Variants in CAPSL observed in about 807,000 individuals in gnomAD.
The protein encoded by CAPSL is calcyphosin-like protein.
Under a neutral mutation model 21.3 loss-of-function variants are expected in CAPSL, and 17 were observed. The ratio of observed to expected loss-of-function variants is 0.80; its 90% confidence interval spans 0.55 to 1.20. The LOEUF is 1.20. CAPSL is among the 50% of genes most tolerant of loss of function. The pLI is 0.00. For synonymous variants in CAPSL, 102 were observed against 89.3 expected, an observed-to-expected ratio of 1.14 and a Z score of -0.80; for missense variants, 289 against 259.3, an observed-to-expected ratio of 1.11 and a Z score of -0.79.
chr5:35,914,975 A>G lies in CAPSL; in HGVS notation c.138-4432T>C, dbSNP rs541700589. 2.0e-5 allele frequency among the ~76,000 whole-genome samples: 3 copies of G among 152,340 alleles called. No homozygotes were observed. The South Asian group carries it at 6.2e-4, about 32-fold the overall frequency. On this transcript the variant is annotated intron_variant, in intron 2 of 4. Coordinates refer to ENST00000651391, the MANE Select transcript of CAPSL (RefSeq NM_001042625.2). The stretch of plus-strand genomic sequence containing the variant: ...GATAGAACTCTAGCAAGACTAATAA[A>G]GAAGAAAAGAGAGAAGAATCAAATA...
chr5:35,917,897 T>C (rs1433400696), intron 2 of CAPSL, among the ~76,000 whole-genome samples: 2 of 151,978 alleles, frequency 1.3e-5, no homozygotes, highest in African/African-American at 2.4e-5. Context: ...AAGCTTATCG[T>C]CATTAGAGAA....
At chr5:35,936,586 T>C (rs575670692) in intron 1 of CAPSL, among the ~76,000 whole-genome samples, 102 of 152,270 alleles carry the variant, frequency 6.7e-4, no homozygotes, top group African/African-American at 2.3e-3. Flanking sequence ...TTAGTTCACT[T>C]CTCCAACTAG....
At chr5:35,919,168 A>ATAT (rs1328263175) in intron 2 of CAPSL, among the ~76,000 whole-genome samples, 158 of 113,010 alleles carry the variant, frequency 1.4e-3, no homozygotes, top group African/African-American at 4.4e-3. Flanking sequence ...ATTAAAAAAA[A>ATAT]AAATATATAT....
intron 1 of CAPSL, among the ~76,000 whole-genome samples, chr5:35,930,631 C>G (rs572545009): frequency 6.6e-6 from 1 of 152,296 alleles, no homozygotes; most frequent in African/African-American, 2.4e-5. Flanking sequence ...TGCATTAATG[C>G]ATGTTTATTA....
intron 1 of CAPSL, among the ~76,000 whole-genome samples, chr5:35,929,562 TACAGGC>T (rs1349232841): frequency 2.0e-5 from 3 of 152,200 alleles, no homozygotes; most frequent in African/African-American, 7.2e-5. Flanking sequence ...ATGCTGGGAT[TACAGGC>T]GTAAGCCACC....
chr5:35,928,859 T>C (rs1045303409), intron 1 of CAPSL, among the ~76,000 whole-genome samples: 1 of 152,162 alleles, frequency 6.6e-6, no homozygotes, highest in African/African-American at 2.4e-5. Context: ...GTGGGTGCTG[T>C]TGAAAAACAA....
At chr5:35,931,656 C>G (rs1264461658) in intron 1 of CAPSL, among the ~76,000 whole-genome samples, 2 of 152,136 alleles carry the variant, frequency 1.3e-5, no homozygotes, top group Non-Finnish European at 2.9e-5. Flanking sequence ...GTTAGGTCAA[C>G]CTGCTCGATG....
chr5:35,924,726 T>C (rs1738628769), intron 1 of CAPSL, among the ~76,000 whole-genome samples: 1 of 152,184 alleles, frequency 6.6e-6, no homozygotes, highest in South Asian at 2.1e-4. Flanking sequence ...TGTGAGGAAT[T>C]ACTCAGAGGA....
intron 4 of CAPSL, among the ~76,000 whole-genome samples, chr5:35,907,985 C>T (rs1760716967): frequency 6.6e-6 from 1 of 152,214 alleles, no homozygotes; most frequent in Non-Finnish European, 1.5e-5. Context: ...TTTTCAGAAA[C>T]ACTTTTATTA....
chr5:35,911,841 C>G (rs1014257193), intron 2 of CAPSL, among the ~76,000 whole-genome samples: 2 of 152,062 alleles, frequency 1.3e-5, no homozygotes, highest in East Asian at 1.9e-4. Context: ...ACTAAGGTAC[C>G]AGGTTCATCT....
At position 35,904,483 on chromosome 5, in the gene CAPSL, G is replaced by T; in HGVS notation, c.*62C>A. The T allele has an allele frequency of 1.7e-6, 2 of 1,196,320 alleles. No individual in the cohort carries two copies. Among genetic ancestry groups the T allele is most frequent in the Non-Finnish European group, 2.4e-6 (2 of 818,752 alleles). The allele number at this position is 1,196,320 out of a possible 1,614,324, so 74.1% of individuals were successfully genotyped here. On this transcript the variant is annotated 3_prime_UTR_variant, in exon 5 of 5. Coordinates refer to ENST00000651391, the MANE Select transcript of CAPSL (RefSeq NM_001042625.2). ...AATCAAATACGATTCTGGTTTTTGA[G>T]CTGACATTTAGTCATTTGGAGCCAC...
At chr5:35,920,605 T>C (rs1271071378) in intron 2 of CAPSL, among the ~76,000 whole-genome samples, 1 of 152,222 alleles carries the variant, frequency 6.6e-6, no homozygotes, top group Non-Finnish European at 1.5e-5. Flanking sequence ...TTCCAAATTC[T>C]GCAATTAGGG....
intron 2 of CAPSL, among the ~76,000 whole-genome samples, chr5:35,914,986 G>A (rs1018547257): frequency 2.0e-5 from 3 of 152,078 alleles, no homozygotes; most frequent in Admixed American, 6.5e-5. Context: ...GAAGAAAAGA[G>A]AGAAGAATCA....
chr5:35,928,167 A>G (rs1268113903), intron 1 of CAPSL, among the ~76,000 whole-genome samples: 2 of 152,190 alleles, frequency 1.3e-5, no homozygotes, highest in Non-Finnish European at 2.9e-5. Context: ...AGGGCAAAAA[A>G]GGGCTCAATA....
At position 35,912,030 on chromosome 5, in the gene CAPSL, A is replaced by AGGG. The variant is rs1442155579; in HGVS notation, c.138-1488_138-1487insCCC. ...CCCACCCTAATACTATGCTTTTCCA[A>AGGG]CAGTCTTAGCAAACGGCGCACCAGG... On this transcript the variant is annotated intron_variant, in intron 2 of 4. Transcript: ENST00000651391. 2.0e-5 allele frequency among the ~76,000 whole-genome samples: 3 copies of AGGG among 152,172 alleles called. No homozygotes were observed. The East Asian group carries it at 5.8e-4, about 29-fold the overall frequency.
At chr5:35,908,116 T>C (rs1322392978) in intron 4 of CAPSL, among the ~76,000 whole-genome samples, 2 of 152,252 alleles carry the variant, frequency 1.3e-5, no homozygotes, top group Non-Finnish European at 2.9e-5. Flanking sequence ...TTATATTTAG[T>C]AATTTTAAAA....
rs1760632806 is a variant in CAPSL, at chr5:35,904,591, G to C, written c.581C>G (p.Thr194Ser). 1 of 1,613,770 alleles carries C rather than the reference G, an allele frequency of 6.2e-7. No homozygotes were observed. The highest frequency in any genetic ancestry group is 1.3e-5 in the African/African-American group (1 of 74,824). ...YYAGVSASID[T>S]DVYFIIMMRT... ...CATCATGATGATGAAGTACACATCA[G>C]TGTCAATGGATGCGCTCACACCTGC... Residue 194 changes from threonine to serine, a missense_variant, in exon 5 of 5, where the codon ACT (threonine) becomes AGT (serine). Physicochemically the swap from Thr to Ser is moderately conservative, Grantham distance 58. Coordinates refer to ENST00000651391, the MANE Select transcript of CAPSL (RefSeq NM_001042625.2).
intron 2 of CAPSL, among the ~76,000 whole-genome samples, chr5:35,916,959 C>G (rs1168157973): frequency 6.6e-6 from 1 of 152,042 alleles, no homozygotes; most frequent in Admixed American, 6.5e-5. Flanking sequence ...TTTTTGCAAC[C>G]TACTCATCTG....
intron 1 of CAPSL, among the ~76,000 whole-genome samples, chr5:35,935,535 A>G (rs1408017403): frequency 1.3e-5 from 2 of 151,698 alleles, no homozygotes; most frequent in Non-Finnish European, 2.9e-5. Flanking sequence ...GGATCTTGCT[A>G]TGTTGCCCAG....
Sources: allele counts gnomAD v4.1 joint callset (sites outside exome capture counted in the v4.1 genomes callset), GRCh38; gene constraint gnomAD v4.1.1; transcripts MANE v1.5; gene names NCBI Gene and HGNC (gene_info 2026-07-23, HGNC 2026-07-21).